ASNS: variants seen among roughly 807,000 people sequenced by gnomAD.
ASNS encodes asparagine synthetase [glutamine-hydrolyzing].
ASNS carries 37 observed loss-of-function variants against 62.6 expected under a neutral mutation model. The observed-to-expected ratio is 0.59, with a 90% CI of 0.45 to 0.78. The LOEUF is 0.78. Ranked by LOEUF, ASNS falls within the 30% of genes least tolerant of loss-of-function variation. The probability of loss-of-function intolerance (pLI) is 0.00; values close to 1 mark genes in which losing one functional copy is unlikely to be tolerated. For missense variants in ASNS, 520 were observed against 682.4 expected (o/e 0.76, Z 2.65); for synonymous variants, 207 against 237.9 (o/e 0.87, Z 1.19).
intron 3 of ASNS, among the ~76,000 whole-genome samples, chr7:97,865,658 C>T (rs1034098457): frequency 3.9e-5 from 6 of 152,324 alleles, no homozygotes; most frequent in Admixed American, 3.9e-4. Context: ...AGTGTTTCTA[C>T]TTTTCCTTAT....
At chr7:97,913,969 C>T in the ASNS span, among the ~76,000 whole-genome samples, 3 of 149,422 alleles carry the variant, frequency 2.0e-5, no homozygotes, top group Admixed American at 6.7e-5. Flanking sequence ...AATGGATGCA[C>T]GGGTAGGGGG....
the ASNS span, chr7:97,899,143 G>C: frequency 6.1e-6 from 2 of 325,450 alleles, no homozygotes; most frequent in Non-Finnish European, 5.7e-6. Context: ...AGTACCAAAA[G>C]GCTAAATTTT....
chr7:97,894,706 G>GAAT, the ASNS span, among the ~76,000 whole-genome samples: 19 of 152,058 alleles, frequency 1.2e-4, no homozygotes, highest in Non-Finnish European at 2.8e-4. Context: ...GACCCAAAAT[G>GAAT]AATAGCAGGT....
the ASNS span, among the ~76,000 whole-genome samples, chr7:97,896,912 T>C: frequency 3.4e-4 from 51 of 150,690 alleles, no homozygotes; most frequent in South Asian, 8.6e-3. Context: ...GAACATACAT[T>C]GAATAAAGGA....
chr7:97,856,424 C>T (rs948585833), intron 8 of ASNS, among the ~76,000 whole-genome samples: 1 of 152,118 alleles, frequency 6.6e-6, no homozygotes, highest in Non-Finnish European at 1.5e-5. Context: ...AGGTAGAGGG[C>T]AGAAAATATG....
the ASNS span, among the ~76,000 whole-genome samples, chr7:97,885,708 G>A: frequency 6.6e-6 from 1 of 152,218 alleles, no homozygotes; most frequent in Non-Finnish European, 1.5e-5. Flanking sequence ...AACAAAAGAA[G>A]TGAACGTAAT....
intron 4 of ASNS, among the ~76,000 whole-genome samples, chr7:97,859,724 A>G (rs1394763125): frequency 6.6e-6 from 1 of 152,202 alleles, no homozygotes; most frequent in East Asian, 1.9e-4. Flanking sequence ...AAATACACAA[A>G]AGGAAAAGAC....
At position 97,859,276 on chromosome 7, in the gene ASNS, A is replaced by G; in HGVS notation, c.610T>C (p.Tyr204His). 7 of 1,614,174 alleles carry G rather than the reference A, an allele frequency of 4.3e-6. No homozygotes were observed. The highest frequency in any genetic ancestry group is 5.1e-6 in the Non-Finnish European group (6 of 1,180,034). ...GKVASVEMVK[Y>H]HHCRDVPLHA... ...AGGGGTACATCCCGACAGTGATGAT[A>G]TTTAACCATTTCCACGGATGCAACT... The change falls in exon 5 of 13, where the codon TAT becomes CAT. Residue 204 changes from tyrosine to histidine, a missense_variant. Transcript: ENST00000394308.
chr7:97,920,408 C>T, the ASNS span, among the ~76,000 whole-genome samples: 1 of 151,948 alleles, frequency 6.6e-6, no homozygotes, highest in East Asian at 1.9e-4. Flanking sequence ...CCCCCCAATG[C>T]CCCCCGGCCC....
rs568810130 is a variant in ASNS at position 97,851,699 on chromosome 7, TA to T, written c.*559del. 1.3e-5 allele frequency: 2 copies of T among 152,970 alleles called. No homozygotes were observed. Among genetic ancestry groups the T allele is most frequent in the Non-Finnish European group, 2.9e-5 (2 of 68,620 alleles). 9.5% of individuals were successfully genotyped at this position (152,970 alleles called of 1,614,324 possible). Reference sequence around the variant, plus strand: ...AAATATTTACTATCTGGCTCTTTATTAAAAACAAATTAAAAATTCAAAAAAA... The same window carrying T: ...AAATATTTACTATCTGGCTCTTTATTAAAACAAATTAAAAATTCAAAAAAA... On this transcript the variant is annotated 3_prime_UTR_variant, in exon 13 of 13. Coordinates refer to ENST00000394308, the MANE Select transcript of ASNS (RefSeq NM_001673.5).
chr7:97,924,887 A>G, the ASNS span, among the ~76,000 whole-genome samples: 1 of 152,218 alleles, frequency 6.6e-6, no homozygotes, highest in Admixed American at 6.5e-5. Context: ...CTGTGATCTC[A>G]GCACCTTGGG....
At chr7:97,879,503 T>C in the ASNS span, among the ~76,000 whole-genome samples, 1 of 152,230 alleles carries the variant, frequency 6.6e-6, no homozygotes, top group African/African-American at 2.4e-5. Flanking sequence ...GCTAGGAGGC[T>C]ATCTTGCTGG....
At chr7:97,855,217 A>G in intron 9 of ASNS, 136 bp downstream of exon 9, 1 of 600,790 alleles carries the variant, frequency 1.7e-6, no homozygotes, top group Non-Finnish European at 2.9e-6. Flanking sequence ...GAAAGCAAAC[A>G]CTATCAGATT....
At position 97,872,381 on chromosome 7, in the gene ASNS, G is replaced by GGGCTGAGGCCAGGGATGTGGAC. The variant is rs1173874539; in HGVS notation, c.-112_-91dup. On this transcript the variant is annotated 5_prime_UTR_variant, in exon 1 of 13. Coordinates refer to ENST00000394308, the MANE Select transcript of ASNS (RefSeq NM_001673.5). ...CGTAAGCAGGTCAGGGTGATGTGGC[G>GGGCTGAGGCCAGGGATGTGGAC]GGCTGAGGCCAGGGATGTGGACAGC... The GGGCTGAGGCCAGGGATGTGGAC allele has an allele frequency of 2.0e-5, 3 of 152,804 alleles. No homozygotes were observed. The highest frequency in any genetic ancestry group is 2.9e-5 in the Non-Finnish European group (2 of 68,502). 9.5% of individuals were successfully genotyped at this position (152,804 alleles called of 1,614,324 possible).
chr7:97,900,689 T>G, the ASNS span, among the ~76,000 whole-genome samples: 1 of 152,168 alleles, frequency 6.6e-6, no homozygotes, highest in Non-Finnish European at 1.5e-5. Context: ...AAATGGTCTC[T>G]AAATGACTTC....
chr7:97,913,840 G>A, the ASNS span, among the ~76,000 whole-genome samples: 2 of 151,240 alleles, frequency 1.3e-5, no homozygotes, highest in East Asian at 2.0e-4. Flanking sequence ...GGATAGATTG[G>A]TGGATGGAAA....
the ASNS span, among the ~76,000 whole-genome samples, chr7:97,910,536 G>T: frequency 6.6e-6 from 1 of 152,094 alleles, no homozygotes; most frequent in African/African-American, 2.4e-5. Context: ...CCCACAGGAG[G>T]GGGCTAACAT....
At chr7:97,887,963 G>A in the ASNS span, among the ~76,000 whole-genome samples, 11 of 152,018 alleles carry the variant, frequency 7.2e-5, no homozygotes, top group South Asian at 2.1e-4. Context: ...TCTCCAACCC[G>A]CCCCAACCAA....
At chr7:97,877,295 A>G (rs192001747), upstream of ASNS, among the ~76,000 whole-genome samples, 12 of 152,092 alleles carry the variant, frequency 7.9e-5, no homozygotes, top group East Asian at 2.3e-3. Context: ...GGGTTTTACC[A>G]TGTTGGCCAG....
Sources: allele counts gnomAD v4.1 joint callset (sites outside exome capture counted in the v4.1 genomes callset), GRCh38; gene constraint gnomAD v4.1.1; transcripts MANE v1.5; gene names NCBI Gene and HGNC (gene_info 2026-07-23, HGNC 2026-07-21).